Variants in TRIM66 observed in about 807,000 individuals in gnomAD.
TRIM66 encodes the protein tripartite motif containing 66.
A neutral mutation model predicts 148.2 loss-of-function variants in TRIM66; 99 were observed. The ratio of observed to expected loss-of-function variants is 0.67; its 90% CI spans 0.57 to 0.79. The LOEUF is 0.79. Ranked by LOEUF, TRIM66 falls within the 30% of genes least tolerant of loss-of-function variation. The pLI, the probability that TRIM66 is intolerant of heterozygous loss-of-function variation, is 0.00. For synonymous variants in TRIM66, 616 were observed against 635.9 expected (o/e 0.97, Z 0.47); for missense variants, 1,666 against 1,697.9 (o/e 0.98, Z 0.33).
At chr11:8,630,002 T>G (rs946167179) in intron 15 of TRIM66, among the ~76,000 whole-genome samples, 1 of 152,216 alleles carries the variant, frequency 6.6e-6, no homozygotes, top group African/African-American at 2.4e-5. Flanking sequence ...TTATACTATA[T>G]CGGCTCTCTA....
At chr11:8,674,159 AT>A (rs2039072469) in intron 4 of TRIM66, among the ~76,000 whole-genome samples, 1 of 152,178 alleles carries the variant, frequency 6.6e-6, no homozygotes, top group Non-Finnish European at 1.5e-5. Flanking sequence ...ATCCCTTTAC[AT>A]ATGTTTACTC....
intron 6 of TRIM66, among the ~76,000 whole-genome samples, chr11:8,656,004 T>G (rs1488001719): frequency 6.6e-6 from 1 of 152,170 alleles, no homozygotes; most frequent in Non-Finnish European, 1.5e-5. Flanking sequence ...GTGCAGGCAC[T>G]GTCCCAGGGA....
chr11:8,664,730 T>G (rs982846230), intron 6 of TRIM66, among the ~76,000 whole-genome samples: 1 of 152,192 alleles, frequency 6.6e-6, no homozygotes, highest in African/African-American at 2.4e-5. Flanking sequence ...ACTTAAGACC[T>G]CCTCTCCTGT....
chr11:8,654,473 C>T (rs191515922), intron 6 of TRIM66: 48 of 152,342 alleles, frequency 3.2e-4, no homozygotes, highest in African/African-American at 1.1e-3. Context: ...AGATCAATTT[C>T]CCCCGGGATG....
At chr11:8,652,002 G>T in intron 6 of TRIM66, 99 bp from the exon 7 acceptor site, 1 of 931,904 alleles carries the variant, frequency 1.1e-6, no homozygotes, top group Non-Finnish European at 1.6e-6. Context: ...AAGATACATG[G>T]CAATACCCAT....
At chr11:8,634,038 T>C (rs902499858) in intron 15 of TRIM66, among the ~76,000 whole-genome samples, 2 of 152,208 alleles carry the variant, frequency 1.3e-5, no homozygotes, top group Admixed American at 6.5e-5. Context: ...ATGAGCCGCA[T>C]GCTGGTGGCC....
intron 17 of TRIM66, 143 bp downstream of exon 17, chr11:8,624,216 G>T: frequency 1.1e-6 from 1 of 933,330 alleles, no homozygotes; most frequent in Non-Finnish European, 1.6e-6. Flanking sequence ...GACAGTTCCG[G>T]AGGAGAGAAG....
At chr11:8,653,718 GATA>G (rs2037563284) in intron 6 of TRIM66, among the ~76,000 whole-genome samples, 1 of 151,384 alleles carries the variant, frequency 6.6e-6, no homozygotes, top group Non-Finnish European at 1.5e-5. Context: ...AAAGCTAACT[GATA>G]CATCCCAGGA....
At chr11:8,648,186 C>G in intron 9 of TRIM66, 100 bp from the exon 10 acceptor site, 1 of 1,227,036 alleles carries the variant, frequency 8.1e-7, no homozygotes, top group Non-Finnish European at 1.2e-6. Context: ...CAGCCAGACC[C>G]ATGGAAGCTG....
At chr11:8,647,889 C>T (rs1031028332) in intron 10 of TRIM66, 81 bp downstream of exon 10, 38 of 1,073,074 alleles carry the variant, frequency 3.5e-5, no homozygotes, top group Middle Eastern at 4.1e-4. Flanking sequence ...ACAGGCACTA[C>T]ATCTGACGGC....
chr11:8,622,809 C>G lies in TRIM66; in HGVS notation c.3080+7G>C. On this transcript the variant is annotated splice_region_variant and intron_variant, in intron 18 of 24. Coordinates refer to ENST00000646038, the MANE Select transcript of TRIM66 (RefSeq NM_001388022.1). ...GGTGGGAGGGAGATTAGCCAGAAGG[C>G]TGTTACCTGATGCTCTGGTTCTCTT... 1 of 1,551,792 alleles carries G rather than the reference C, an allele frequency of 6.4e-7. No homozygotes were observed. Among genetic ancestry groups the G allele is most frequent in the South Asian group, 1.2e-5 (1 of 84,066 alleles).
At chr11:8,624,266 A>G (rs2034590136) in intron 17 of TRIM66, 93 bp downstream of exon 17, 2 of 1,389,058 alleles carry the variant, frequency 1.4e-6, no homozygotes, top group African/African-American at 3.0e-5. Flanking sequence ...TCCCCAGCTT[A>G]GAGCTTGTCT....
At chr11:8,628,607 T>G (rs2035080045) in intron 15 of TRIM66, among the ~76,000 whole-genome samples, 1 of 64,466 alleles carries the variant, frequency 1.6e-5, no homozygotes, top group African/African-American at 4.8e-5. Context: ...AGGAAGACCC[T>G]GTCTCAAAAA....
chr11:8,617,907 A>AC lies in TRIM66; in HGVS notation c.*36dup. 1 of 1,548,418 alleles carries AC rather than the reference A, an allele frequency of 6.5e-7. No homozygotes were observed. Among genetic ancestry groups the AC allele is most frequent in the Non-Finnish European group, 8.7e-7 (1 of 1,143,994 alleles). ...GGGGAGGAATGGTCGACAGTATGGG[A>AC]CAACAGCTGCCAGAGTGCCCAGTCT... On this transcript the variant is annotated 3_prime_UTR_variant, in exon 25 of 25. Coordinates refer to ENST00000646038, the MANE Select transcript of TRIM66 (RefSeq NM_001388022.1).
chr11:8,646,578 A>G lies in TRIM66; in HGVS notation c.843-17T>C. ...TCAAAAATCCTGTAAACACAATGGG[A>G]CAAACCATGGTAAGCTTTCCTCATG... On this transcript the variant is annotated splice_polypyrimidine_tract_variant and intron_variant, in intron 10 of 24. Transcript: ENST00000646038. The G allele has an allele frequency of 1.3e-6, 2 of 1,540,278 alleles. No individual in the cohort carries two copies. Among genetic ancestry groups the G allele is most frequent in the East Asian group, 2.4e-5 (1 of 40,862 alleles).
chr11:8,634,302 A>G (rs948633226), intron 15 of TRIM66, among the ~76,000 whole-genome samples: 4 of 152,150 alleles, frequency 2.6e-5, no homozygotes, highest in Non-Finnish European at 5.9e-5. Context: ...AGTAGCTGGG[A>G]CCACAGGCAT....
chr11:8,621,915 T>C (rs1360402001), intron 18 of TRIM66, 96 bp from the exon 19 acceptor site: 4 of 1,232,520 alleles, frequency 3.2e-6, no homozygotes, highest in Non-Finnish European at 4.4e-6. Context: ...ATGATTAATA[T>C]TGAGTGTCAA....
intron 6 of TRIM66, among the ~76,000 whole-genome samples, chr11:8,659,879 T>A (rs925567818): frequency 6.6e-6 from 1 of 152,108 alleles, no homozygotes; most frequent in Non-Finnish European, 1.5e-5. Flanking sequence ...TCTTGTTTGT[T>A]TGTCTTTGTT....
chr11:8,666,849 G>A (rs546186516), intron 6 of TRIM66, among the ~76,000 whole-genome samples: 20 of 152,224 alleles, frequency 1.3e-4, no homozygotes, highest in South Asian at 4.1e-4. Context: ...TCACTTTGTC[G>A]CCCAGGCTGG....
Sources: allele counts gnomAD v4.1 joint callset (sites outside exome capture counted in the v4.1 genomes callset), GRCh38; gene constraint gnomAD v4.1.1; transcripts MANE v1.5; gene names NCBI Gene and HGNC (gene_info 2026-07-23, HGNC 2026-07-21).